Variants in PLAUR observed in about 807,000 individuals in gnomAD.
The protein encoded by PLAUR is urokinase plasminogen activator surface receptor.
A neutral mutation model predicts 33.4 loss-of-function variants in PLAUR; 22 were observed. That is an observed-to-expected ratio of 0.66 (90% CI 0.47 to 0.94). PLAUR has a LOEUF of 0.94. Among genes scored for constraint, PLAUR ranks in the 40% least tolerant of loss-of-function variants. PLAUR has a pLI of 0.00. For missense variants in PLAUR, 408 were observed against 434.7 expected (o/e 0.94, Z 0.55); for synonymous variants, 148 against 167.3 (o/e 0.88, Z 0.89).
intron 3 of PLAUR, among the ~76,000 whole-genome samples, chr19:43,657,000 G>C (rs912143526): frequency 4.0e-5 from 6 of 148,998 alleles, no homozygotes; most frequent in Non-Finnish European, 5.9e-5. Flanking sequence ...CTGGAACGCA[G>C]TGGCACCATC....
chr19:43,646,571 T>C, downstream of PLAUR: 1 of 716,212 alleles, frequency 1.4e-6, no homozygotes, highest in Non-Finnish European at 2.6e-6. Flanking sequence ...AAGTGAAAAA[T>C]GAAAGTTTCT....
At chr19:43,649,405 A>G (rs1242685045) in intron 6 of PLAUR, among the ~76,000 whole-genome samples, 1 of 151,894 alleles carries the variant, frequency 6.6e-6, no homozygotes, top group Non-Finnish European at 1.5e-5. Flanking sequence ...CATAAAAAAG[A>G]AAAAAACAGC....
At chr19:43,646,908 G>A (rs1973834905), downstream of PLAUR, among the ~76,000 whole-genome samples, 1 of 149,900 alleles carries the variant, frequency 6.7e-6, no homozygotes, top group Non-Finnish European at 1.5e-5. Flanking sequence ...AGCCTTCCGA[G>A]TAGCTGGAGT....
chr19:43,664,502 G>A lies in PLAUR; in HGVS notation c.310+814C>T, dbSNP rs777647136. 1.2e-3 allele frequency among the ~76,000 whole-genome samples: 181 copies of A among 152,182 alleles called. 1 individual carries two copies. Among genetic ancestry groups the A allele is most frequent in the Non-Finnish European group, 1.8e-3 (120 of 68,046 alleles). On this transcript the variant is annotated intron_variant, in intron 3 of 6. Transcript: ENST00000340093. ...TGAAGCCATGAAATTCGACAAAGGG[G>A]CTTATGGTTGTTGCCCAGGCTGGTC...
intron 5 of PLAUR, among the ~76,000 whole-genome samples, chr19:43,653,940 A>G (rs1974099391): frequency 6.6e-6 from 1 of 152,150 alleles, no homozygotes; most frequent in East Asian, 1.9e-4. Context: ...CCTGGCTAAC[A>G]CAGTGAAACC....
At chr19:43,662,749 C>G (rs1474736768) in intron 3 of PLAUR, among the ~76,000 whole-genome samples, 1 of 148,930 alleles carries the variant, frequency 6.7e-6, no homozygotes, top group Non-Finnish European at 1.5e-5. Context: ...GGATCTCGCT[C>G]TGTCACCCAG....
intron 4 of PLAUR, 94 bp from the exon 5 acceptor site, chr19:43,655,667 T>G: frequency 4.5e-6 from 5 of 1,118,836 alleles, no homozygotes; most frequent in Non-Finnish European, 6.3e-6. Context: ...AACCATTCTC[T>G]ACTTCACCCT....
At chr19:43,652,071 A>C (rs1473986385) in intron 6 of PLAUR, 154 bp downstream of exon 6, 2 of 1,444,110 alleles carry the variant, frequency 1.4e-6, no homozygotes, top group African/African-American at 2.9e-5. Flanking sequence ...ACAAGTCCTA[A>C]TTCCTTACAA....
Position 43,648,946 on chromosome 19 carries a change from T to G in PLAUR, c.952A>C (p.Thr318Pro). The G allele has an allele frequency of 6.2e-7, 1 of 1,614,026 alleles. No individual in the cohort carries two copies. Among genetic ancestry groups the G allele is most frequent in the Non-Finnish European group, 8.5e-7 (1 of 1,179,966 alleles). The change falls in exon 7 of 7, where the codon ACC becomes CCC. Residue 318 changes from threonine (T) to proline (P), a missense_variant. Physicochemically the swap from Thr to Pro is conservative, Grantham distance 38. Coordinates refer to ENST00000340093, the MANE Select transcript of PLAUR (RefSeq NM_002659.4). ...PQPGPAHLSLTITLLMTARLW... is the reference protein window; with the variant it reads ...PQPGPAHLSLPITLLMTARLW... ...CTGGCAGTCATTAGCAGGGTGATGG[T>G]GAGGCTGAGATGGGCAGGGCCAGGC... is the stretch of plus-strand genomic sequence containing the variant.
intron 3 of PLAUR, among the ~76,000 whole-genome samples, chr19:43,661,992 A>T (rs914144799): frequency 6.6e-6 from 1 of 152,068 alleles, no homozygotes; most frequent in Non-Finnish European, 1.5e-5. Flanking sequence ...TTGGCCTTCC[A>T]AAGTGCTGGG....
In PLAUR at chr19:43,659,894, CTT is replaced by C. The variant is rs200779391; in HGVS notation, c.311-3256_311-3255del. ...ACTGTTCTATATTTTCTGTTGGACTCTTTTAAAAAATGGATTCCAGGTGCTAA... is the reference window on the plus strand; with the variant it reads ...ACTGTTCTATATTTTCTGTTGGACTCTTAAAAAATGGATTCCAGGTGCTAA... On this transcript the variant is annotated intron_variant, in intron 3 of 6. Transcript: ENST00000340093. Among the ~76,000 whole-genome samples the C allele has an allele frequency of 2.0e-3, 300 of 152,258 alleles. 1 individual carries two copies. Among genetic ancestry groups the C allele is most frequent in the African/African-American group, 7.0e-3 (292 of 41,548 alleles).
At chr19:43,654,105 C>T (rs1290240516) in intron 5 of PLAUR, among the ~76,000 whole-genome samples, 2 of 150,560 alleles carry the variant, frequency 1.3e-5, no homozygotes, top group Non-Finnish European at 3.0e-5. Flanking sequence ...GCCTGGGCAA[C>T]AGCGCAAGAC....
chr19:43,651,307 C>A (rs1469893302), intron 6 of PLAUR, among the ~76,000 whole-genome samples: 1 of 152,048 alleles, frequency 6.6e-6, no homozygotes, highest in East Asian at 1.9e-4. Context: ...GAACTCCCGA[C>A]CTCAGGTGAT....
intron 3 of PLAUR, among the ~76,000 whole-genome samples, chr19:43,658,629 C>T (rs1439736781): frequency 6.6e-6 from 1 of 152,138 alleles, no homozygotes; most frequent in African/African-American, 2.4e-5. Context: ...CTCTACCCAG[C>T]CCTTGGCTCA....
intron 4 of PLAUR, among the ~76,000 whole-genome samples, chr19:43,655,830 A>G (rs1238950685): frequency 6.6e-6 from 1 of 152,224 alleles, no homozygotes; most frequent in Non-Finnish European, 1.5e-5. Context: ...GAACCCTTAC[A>G]AAAGGAGGAG....
At chr19:43,668,577 T>C (rs1327965406) in intron 1 of PLAUR, among the ~76,000 whole-genome samples, 1 of 150,114 alleles carries the variant, frequency 6.7e-6, no homozygotes, top group African/African-American at 2.5e-5. Flanking sequence ...CCCCACCCTG[T>C]AGCTCCTCCC....
intron 3 of PLAUR, among the ~76,000 whole-genome samples, chr19:43,657,471 C>T (rs1328460927): frequency 2.6e-5 from 4 of 152,206 alleles, no homozygotes; most frequent in Admixed American, 2.0e-4. Flanking sequence ...CACATGTTCC[C>T]TGGCATCCAG....
intron 6 of PLAUR, chr19:43,652,005 AC>A: frequency 1.5e-6 from 2 of 1,316,114 alleles, no homozygotes; most frequent in Non-Finnish European, 2.0e-6. Flanking sequence ...AGCTTCAGCC[AC>A]CGCACCCAGC....
chr19:43,658,463 A>G (rs1012702335), intron 3 of PLAUR, among the ~76,000 whole-genome samples: 1 of 152,232 alleles, frequency 6.6e-6, no homozygotes, highest in African/African-American at 2.4e-5. Flanking sequence ...TAATGCAGCA[A>G]TAGATAATAG....
Sources: gnomAD v4.1 joint callset for allele counts (sites outside exome capture counted in the v4.1 genomes callset) on GRCh38, gnomAD v4.1.1 for gene constraint, MANE v1.5 for transcripts, NCBI Gene and HGNC (gene_info 2026-07-23, HGNC 2026-07-21) for gene names.